The following C5orf22 variants were observed in gnomAD, a reference collection of about 807,000 sequenced individuals.
The protein encoded by C5orf22 is UPF0489 protein C5orf22.
Under a neutral mutation model 48.7 loss-of-function variants are expected in C5orf22, and 36 were observed. The observed-to-expected ratio is 0.74, with a 90% CI of 0.57 to 0.98. The LOEUF is 0.98. Ranked by LOEUF, C5orf22 falls within the 50% of genes least tolerant of loss-of-function variation. C5orf22 has a pLI of 0.00. For synonymous variants in C5orf22, 141 were observed against 180.8 expected (o/e 0.78, Z 1.76); for missense variants, 486 against 521.9 (o/e 0.93, Z 0.67).
intron 4 of C5orf22, 47 bp from the exon 5 acceptor site, chr5:31,540,902 T>C (rs1488959834): frequency 1.4e-6 from 2 of 1,420,748 alleles, no homozygotes; most frequent in African/African-American, 1.4e-5. Context: ...TTAAAAAATT[T>C]TAACTTTTTT....
chr5:31,546,408 A>G (rs1215703889), intron 7 of C5orf22, among the ~76,000 whole-genome samples: 1 of 152,194 alleles, frequency 6.6e-6, no homozygotes, highest in Non-Finnish European at 1.5e-5. Flanking sequence ...CTGGGTTTGC[A>G]TATTTTATTT....
chr5:31,549,355 C>G (rs1474438800), intron 7 of C5orf22, among the ~76,000 whole-genome samples: 1 of 152,124 alleles, frequency 6.6e-6, no homozygotes, highest in African/African-American at 2.4e-5. Flanking sequence ...GTGGGAGTTA[C>G]AATTCAAGGT....
At chr5:31,552,750 C>A in intron 8 of C5orf22, 23 bp from the exon 9 acceptor site, 1 of 1,606,224 alleles carries the variant, frequency 6.2e-7, no homozygotes, top group Admixed American at 1.7e-5. Flanking sequence ...TATTTTTCTT[C>A]TTTCTCTTTC....
intron 7 of C5orf22, among the ~76,000 whole-genome samples, chr5:31,547,970 A>T (rs1323649677): frequency 6.6e-6 from 1 of 152,194 alleles, no homozygotes; most frequent in African/African-American, 2.4e-5. Context: ...GTCAGGCTGC[A>T]AATTTTCCAA....
intron 7 of C5orf22, among the ~76,000 whole-genome samples, chr5:31,549,917 A>G (rs926269480): frequency 7.9e-5 from 12 of 152,192 alleles, no homozygotes; most frequent in Admixed American, 3.3e-4. Flanking sequence ...CAATATTATC[A>G]AATATGTCTG....
rs144541548 is a variant in C5orf22 at position 31,552,863 on chromosome 5, A to G, written c.1290A>G (p.Leu430=). 4.8e-5 allele frequency: 78 copies of G among 1,613,734 alleles called. No individual in the cohort carries two copies. In the African/African-American group the frequency reaches 9.5e-4, roughly 20 times the overall value. ...LNMLRALYGN[L]DLQVYAAESP... is the part of the protein sequence containing the mutation. ...TGCTACGTGCCCTCTATGGAAATCT[A>G]GACCTCCAAGTGTATGCAGCAGAGT... The change falls in exon 9 of 9, where the codon CTA becomes CTG. Residue 430 remains leucine (L), a synonymous_variant. Coordinates refer to ENST00000325366, the MANE Select transcript of C5orf22 (RefSeq NM_018356.3).
chr5:31,537,081 T>C (rs555006897), intron 3 of C5orf22, among the ~76,000 whole-genome samples: 1 of 152,390 alleles, frequency 6.6e-6, no homozygotes, highest in South Asian at 2.1e-4. Context: ...AGACTCAGCA[T>C]ATAAATATTG....
chr5:31,546,233 A>G (rs1742873503), intron 7 of C5orf22, among the ~76,000 whole-genome samples: 1 of 152,200 alleles, frequency 6.6e-6, no homozygotes. Context: ...TTATTTGTAT[A>G]TCATTTTGCA....
intron 7 of C5orf22, among the ~76,000 whole-genome samples, 190 bp downstream of exon 7, chr5:31,545,902 C>T (rs1285182520): frequency 6.6e-6 from 1 of 151,996 alleles, no homozygotes; most frequent in Non-Finnish European, 1.5e-5. Context: ...CTGGAAAAGT[C>T]TTCCAGGAAA....
chr5:31,545,671 C>T lies in C5orf22; in HGVS notation c.1018C>T (p.Gln340Ter). The T allele has an allele frequency of 1.9e-6, 3 of 1,610,316 alleles. No individual in the cohort carries two copies. Among genetic ancestry groups the T allele is most frequent in the Non-Finnish European group, 2.5e-6 (3 of 1,178,072 alleles). Residue 340 changes from glutamine (Q) to a stop codon, truncating the protein, a stop_gained, in exon 7 of 9, where the codon CAG becomes TAG. Coordinates refer to ENST00000325366, the MANE Select transcript of C5orf22 (RefSeq NM_018356.3). LOFTEE classifies it high-confidence loss of function. ...PGMESLVPLV[Q>*]SLKKRMEVPD... ...AATGGAATCACTAGTTCCCCTTGTA[C>T]AGAGTTTGAAAAAACGGATGGAAGT...
intron 8 of C5orf22, among the ~76,000 whole-genome samples, chr5:31,552,499 C>T (rs10520986): frequency 0.21 from 31,939 of 152,112 alleles, 3,849 homozygotes; most frequent in African/African-American, 0.31. Context: ...AGGCACACAC[C>T]GCATGTCACC....
At chr5:31,541,105 AGTGTGTGTGTGTGTGTGTGT>A (rs35650579) in intron 5 of C5orf22, 94 bp downstream of exon 5, 17 of 677,200 alleles carry the variant, frequency 2.5e-5, no homozygotes, top group African/African-American at 7.5e-5. Flanking sequence ...GACTGCTCAA[AGTGTGTGTGTGTGTGTGTGT>A]GTGTGTGTGT....
rs1362508397 is a variant in C5orf22 at position 31,553,597 on chromosome 5, C to T, written c.*695C>T. 1 of 151,912 alleles carries T rather than the reference C, an allele frequency of 6.6e-6. No individual in the cohort carries two copies. The highest frequency in any genetic ancestry group is 1.5e-5 in the Non-Finnish European group (1 of 67,990). 9.4% of individuals were successfully genotyped at this position (151,912 alleles called of 1,614,324 possible). ...TGGGATTACAGATGTAAGTCACTAC[C>T]CCAGCCAGAAACTAACATTCTCAAA... On this transcript the variant is annotated 3_prime_UTR_variant, in exon 9 of 9. Coordinates refer to ENST00000325366, the MANE Select transcript of C5orf22 (RefSeq NM_018356.3).
rs755131323 is a variant in C5orf22 at position 31,532,420 on chromosome 5, G to A, written c.28G>A (p.Gly10Ser). 1.2e-6 allele frequency: 2 copies of A among 1,614,004 alleles called. No individual in the cohort carries two copies. The highest frequency in any genetic ancestry group is 8.5e-7 in the Non-Finnish European group (1 of 1,179,958). Residue 10 changes from glycine to serine, a missense_variant, in exon 1 of 9, where the codon GGT becomes AGT. Physicochemically the swap from Gly to Ser is moderately conservative, Grantham distance 56. This residue lies in a region of C5orf22 where 74 missense variants were observed against 61.2 expected (regional missense o/e 1.21). Coordinates refer to ENST00000325366, the MANE Select transcript of C5orf22 (RefSeq NM_018356.3). ...GAGTGACTCCGCGGGAGGGCGCGCT[G>A]GTCTCCGGCGTTACCCCAAGCTCCC... MSDSAGGRA[G>S]LRRYPKLPVW...
intron 7 of C5orf22, among the ~76,000 whole-genome samples, chr5:31,551,024 A>G (rs1448579047): frequency 1.3e-5 from 2 of 152,222 alleles, no homozygotes; most frequent in African/African-American, 2.4e-5. Flanking sequence ...AGAGCAGATA[A>G]CTTTTATGAC....
At chr5:31,534,183 C>A in intron 1 of C5orf22, 89 bp from the exon 2 acceptor site, 1 of 1,103,544 alleles carries the variant, frequency 9.1e-7, no homozygotes, top group South Asian at 1.5e-5. Context: ...CAATTATGTG[C>A]ATTATTTAGC....
rs567030030 is a variant in C5orf22, at chr5:31,553,073, A to G, written c.*171A>G. ...CATTGTCAGTTGTGAATGATGGTAA[A>G]TTTTTTGGCATCAAGTCTCATAACC... On this transcript the variant is annotated 3_prime_UTR_variant, in exon 9 of 9. Coordinates refer to ENST00000325366, the MANE Select transcript of C5orf22 (RefSeq NM_018356.3). 1.7e-5 allele frequency: 10 copies of G among 572,972 alleles called. No homozygotes were observed. The African/African-American group carries it at 1.9e-4, about 11-fold the overall frequency. 35.5% of individuals were successfully genotyped at this position (572,972 alleles called of 1,614,324 possible). A position where few individuals can be genotyped will look rare whatever the true frequency, so the allele number is the denominator to read the frequency against.
intron 6 of C5orf22, among the ~76,000 whole-genome samples, chr5:31,544,673 A>C (rs1379589525): frequency 6.6e-6 from 1 of 152,156 alleles, no homozygotes; most frequent in African/African-American, 2.4e-5. Flanking sequence ...CTGGGTTCAC[A>C]CCTGTAAAAT....
At chr5:31,545,323 G>C (rs1742795668) in intron 6 of C5orf22, among the ~76,000 whole-genome samples, 1 of 152,136 alleles carries the variant, frequency 6.6e-6, no homozygotes, top group Non-Finnish European at 1.5e-5. Flanking sequence ...CTCCCAAAGT[G>C]CTGGGATTAT....
Sources: allele counts gnomAD v4.1 joint callset (sites outside exome capture counted in the v4.1 genomes callset), GRCh38; gene constraint gnomAD v4.1.1; regional missense constraint gnomAD v4.1.1; transcripts MANE v1.5; gene names NCBI Gene and HGNC (gene_info 2026-07-23, HGNC 2026-07-21).